Variants in STK24 observed in about 807,000 individuals in gnomAD.
The protein encoded by STK24 is serine/threonine-protein kinase 24.
In STK24, 21 loss-of-function variants were observed where a neutral mutation model predicts 55.6. That is an observed-to-expected ratio of 0.38 (90% confidence interval 0.27 to 0.54). The LOEUF is 0.54. Among genes scored for constraint, STK24 ranks in the 20% least tolerant of loss-of-function variants. The pLI, the probability that STK24 is intolerant of heterozygous loss-of-function variation, is 0.79. For missense variants in STK24, 383 were observed against 538.4 expected (o/e 0.71, Z 2.86); for synonymous variants, 200 against 215.2 (o/e 0.93, Z 0.62).
At chr13:98,546,758 G>A (rs951248825) in intron 1 of STK24, among the ~76,000 whole-genome samples, 1 of 152,150 alleles carries the variant, frequency 6.6e-6, no homozygotes, top group African/African-American at 2.4e-5. Context: ...CTCAGGAAGA[G>A]CCAAGAAAAT....
chr13:98,571,073 G>C (rs750937478), intron 1 of STK24, among the ~76,000 whole-genome samples: 1 of 152,142 alleles, frequency 6.6e-6, no homozygotes, highest in Non-Finnish European at 1.5e-5. Context: ...CTGAATCATC[G>C]GGAGTAATCG....
chr13:98,568,626 G>A (rs1298346832), intron 1 of STK24, among the ~76,000 whole-genome samples: 1 of 152,158 alleles, frequency 6.6e-6, no homozygotes, highest in Non-Finnish European at 1.5e-5. Context: ...CACCACTTTG[G>A]GAGGCCGAGG....
chr13:98,457,675 G>C (rs1255080893), intron 9 of STK24, among the ~76,000 whole-genome samples: 4 of 152,046 alleles, frequency 2.6e-5, no homozygotes, highest in Non-Finnish European at 4.4e-5. Context: ...TCACCATGTT[G>C]GCCAGGCTGG....
At chr13:98,484,769 A>G (rs1894742973) in intron 2 of STK24, among the ~76,000 whole-genome samples, 2 of 151,868 alleles carry the variant, frequency 1.3e-5, no homozygotes, top group South Asian at 4.1e-4. Flanking sequence ...GGGACGTGCA[A>G]GCAACAACAG....
chr13:98,534,210 TTTC>T (rs889897151), intron 1 of STK24, among the ~76,000 whole-genome samples: 2 of 152,170 alleles, frequency 1.3e-5, no homozygotes, highest in African/African-American at 2.4e-5. Context: ...GTGGGGTACT[TTTC>T]TTCAACAGAA....
chr13:98,574,018 A>ATTT (rs753527283), intron 1 of STK24, among the ~76,000 whole-genome samples: 1 of 142,732 alleles, frequency 7.0e-6, no homozygotes, highest in African/African-American at 2.6e-5. Context: ...TTTTTATTTT[A>ATTT]TTTTTTTTTT....
At chr13:98,561,586 A>C (rs570465208) in intron 1 of STK24, among the ~76,000 whole-genome samples, 222 of 152,078 alleles carry the variant, frequency 1.5e-3, no homozygotes, top group South Asian at 2.9e-3. Flanking sequence ...TCTCAAAAAG[A>C]AAGAAAGAAA....
chr13:98,446,167 T>G lies in STK24; in HGVS notation c.*7006A>C. ...CGGGTGGCAGAAGCTGTGGGTGGTG[T>G]TCACAAACTTCTGCCTGTTCTTCTA... On this transcript the variant is annotated 3_prime_UTR_variant, in exon 11 of 11. Transcript: ENST00000539966. The G allele has an allele frequency of 6.2e-6, 10 of 1,613,874 alleles. No homozygotes were observed. The highest frequency in any genetic ancestry group is 7.6e-6 in the Non-Finnish European group (9 of 1,179,752).
chr13:98,524,655 C>T lies in STK24; in HGVS notation c.43-5182G>A, dbSNP rs558427739. Among the ~76,000 whole-genome samples, 240 of 152,294 alleles carry T rather than the reference C, an allele frequency of 1.6e-3. 2 individuals carry two copies. Among genetic ancestry groups the T allele is most frequent in the Non-Finnish European group, 1.1e-3 (76 of 68,030 alleles). On this transcript the variant is annotated intron_variant, in intron 1 of 10. Transcript: ENST00000539966. The stretch of plus-strand genomic sequence containing the variant: ...TGTTTTAGGTTGCTAAGTGATATAG[C>T]GGTTTCTTGGTTTCTTATACAACAA...
At chr13:98,547,932 C>G (rs190394628) in intron 1 of STK24, among the ~76,000 whole-genome samples, 1 of 152,302 alleles carries the variant, frequency 6.6e-6, no homozygotes, top group Admixed American at 6.5e-5. Flanking sequence ...CTGCTAAACC[C>G]TCATGGTAGA....
chr13:98,528,930 G>A (rs1228072604), intron 1 of STK24, among the ~76,000 whole-genome samples: 1 of 152,184 alleles, frequency 6.6e-6, no homozygotes, highest in East Asian at 1.9e-4. Flanking sequence ...GGGAAGGGGA[G>A]TTGGCTGCAG....
chr13:98,475,427 A>G (rs1357192632), intron 3 of STK24, 69 bp from the exon 4 acceptor site: 2 of 1,097,038 alleles, frequency 1.8e-6, no homozygotes, highest in Non-Finnish European at 2.7e-6. Context: ...GATAAAACAG[A>G]AACACTATCC....
intron 2 of STK24, among the ~76,000 whole-genome samples, chr13:98,506,162 A>C (rs1231155746): frequency 6.6e-6 from 1 of 152,210 alleles, no homozygotes; most frequent in Non-Finnish European, 1.5e-5. Context: ...TAAACCAGTC[A>C]CCACTCCAGA....
At chr13:98,469,426 G>A (rs1894051013) in intron 5 of STK24, among the ~76,000 whole-genome samples, 1 of 152,118 alleles carries the variant, frequency 6.6e-6, no homozygotes, top group African/African-American at 2.4e-5. Flanking sequence ...GGCTGCACCT[G>A]TAGTTCCAGC....
At chr13:98,544,955 G>A (rs1896992818) in intron 1 of STK24, among the ~76,000 whole-genome samples, 1 of 152,138 alleles carries the variant, frequency 6.6e-6, no homozygotes, top group African/African-American at 2.4e-5. Context: ...TAAAAAGATG[G>A]AAAAGTGATC....
intron 1 of STK24, among the ~76,000 whole-genome samples, chr13:98,524,746 A>G (rs1179194622): frequency 2.0e-5 from 3 of 152,240 alleles, no homozygotes; most frequent in African/African-American, 7.2e-5. Flanking sequence ...AGGGGTAGAC[A>G]GATGTTCCAG....
intron 1 of STK24, among the ~76,000 whole-genome samples, chr13:98,550,350 G>A (rs1897129396): frequency 6.6e-6 from 1 of 152,178 alleles, no homozygotes; most frequent in African/African-American, 2.4e-5. Flanking sequence ...ACCAGCCTGA[G>A]CAACATAGGG....
rs1165690777 is a variant in STK24 at position 98,447,108 on chromosome 13, T to G, written c.*6065A>C. ...CCGGGATGATGAAGCTAAGCCCCAG[T>G]GAGACTGCCTACATGGTGTAATGGC... is the stretch of plus-strand genomic sequence containing the variant. On this transcript the variant is annotated 3_prime_UTR_variant, in exon 11 of 11. Coordinates refer to ENST00000539966, the MANE Select transcript of STK24 (RefSeq NM_001032296.4). 1 of 348,768 alleles carries G rather than the reference T, an allele frequency of 2.9e-6. No homozygotes were observed. Among genetic ancestry groups the G allele is most frequent in the African/African-American group, 2.1e-5 (1 of 48,372 alleles). 21.6% of individuals were successfully genotyped at this position (348,768 alleles called of 1,614,324 possible).
chr13:98,446,911 C>A lies in STK24; in HGVS notation c.*6262G>T, dbSNP rs901717202. 15 of 1,335,378 alleles carry A rather than the reference C, an allele frequency of 1.1e-5. No homozygotes were observed. In the African/African-American group the frequency reaches 1.9e-4, roughly 17 times the overall value. 82.7% of individuals were successfully genotyped at this position (1,335,378 alleles called of 1,614,324 possible). On this transcript the variant is annotated 3_prime_UTR_variant, in exon 11 of 11. Coordinates refer to ENST00000539966, the MANE Select transcript of STK24 (RefSeq NM_001032296.4). Reference sequence around the variant, plus strand: ...TCCCAAGTCAGCGAGTGAGATGGCCCCACCCTTCCCTGCCAACTAAGCGTT... The same window carrying A: ...TCCCAAGTCAGCGAGTGAGATGGCCACACCCTTCCCTGCCAACTAAGCGTT...
Sources: allele counts gnomAD v4.1 joint callset (sites outside exome capture counted in the v4.1 genomes callset), GRCh38; gene constraint gnomAD v4.1.1; transcripts MANE v1.5; gene names NCBI Gene and HGNC (gene_info 2026-07-23, HGNC 2026-07-21).